Variants in KALRN observed in about 807,000 individuals in gnomAD.
KALRN encodes kalirin RhoGEF kinase, also known as kalirin.
Under a neutral mutation model 353.7 loss-of-function variants are expected in KALRN, and 70 were observed. The ratio of observed to expected loss-of-function variants is 0.20; its 90% CI spans 0.16 to 0.24. The LOEUF (loss-of-function observed/expected upper bound fraction) is 0.24, where lower values mean the gene tolerates loss of function less well. Among genes scored for constraint, KALRN ranks in the 10% least tolerant of loss-of-function variants. The pLI is 1.00. For missense variants in KALRN, 2,791 were observed against 3,756.7 expected (o/e 0.74, Z 6.72); for synonymous variants, 1,391 against 1,434.8 (o/e 0.97, Z 0.69).
intron 1 of KALRN, among the ~76,000 whole-genome samples, chr3:124,035,950 A>G (rs1429985270): frequency 1.3e-5 from 2 of 152,230 alleles, no homozygotes; most frequent in Non-Finnish European, 2.9e-5. Flanking sequence ...TAGGTCAAGG[A>G]CTACATCCAC....
chr3:124,649,965 A>AAAT (rs71145473), intron 37 of KALRN, among the ~76,000 whole-genome samples: 7,854 of 143,406 alleles, frequency 0.055, 294 homozygotes, highest in African/African-American at 0.097. Context: ...CTCTAAAATA[A>AAAT]AATAATAATA....
chr3:124,165,371 A>G (rs1382380999), intron 1 of KALRN, among the ~76,000 whole-genome samples: 1 of 152,070 alleles, frequency 6.6e-6, no homozygotes, highest in African/African-American at 2.4e-5. Context: ...CCACCCTCAG[A>G]TGTTTTTATC....
intron 57 of KALRN, 149 bp downstream of exon 57, chr3:124,702,265 T>G: frequency 8.0e-6 from 4 of 502,310 alleles, no homozygotes; most frequent in Non-Finnish European, 1.4e-5. Flanking sequence ...CGTTTGTATT[T>G]TCTACTGTTC....
At chr3:124,053,763 G>A (rs1403149130) in intron 1 of KALRN, among the ~76,000 whole-genome samples, 2 of 152,224 alleles carry the variant, frequency 1.3e-5, no homozygotes, top group Non-Finnish European at 2.9e-5. Flanking sequence ...GGATATGAAT[G>A]TATGTGCTCC....
At chr3:124,606,800 A>G (rs2077392658) in intron 34 of KALRN, among the ~76,000 whole-genome samples, 2 of 152,214 alleles carry the variant, frequency 1.3e-5, no homozygotes, top group Non-Finnish European at 1.5e-5. Flanking sequence ...AATTAACCCA[A>G]TATTTTAAAA....
intron 5 of KALRN, among the ~76,000 whole-genome samples, chr3:124,275,902 T>G (rs1168785368): frequency 3.3e-5 from 5 of 152,294 alleles, no homozygotes; most frequent in Admixed American, 1.3e-4. Flanking sequence ...GGGTCACACC[T>G]GAGGAGTCAG....
rs11707324 is a variant in KALRN at position 124,408,572 on chromosome 3, A to G, written c.2347-4898A>G. ...GCCTGCCCCATAATAAATGCACAAT[A>G]CAAAGTAAAATGTCTTCTTCAATCA... On this transcript the variant is annotated intron_variant, in intron 13 of 59. Transcript: ENST00000682506. 5.7e-4 allele frequency among the ~76,000 whole-genome samples: 87 copies of G among 152,266 alleles called. 4 individuals are homozygous for G. The highest frequency in any genetic ancestry group is 1.6e-4 in the Non-Finnish European group (11 of 68,042).
At chr3:124,066,156 C>T (rs547905828) in intron 1 of KALRN, among the ~76,000 whole-genome samples, 37 of 152,268 alleles carry the variant, frequency 2.4e-4, no homozygotes, top group Non-Finnish European at 4.1e-4. Context: ...ATGACATGAA[C>T]ATTGTGTTGT....
intron 10 of KALRN, among the ~76,000 whole-genome samples, chr3:124,362,036 TG>T (rs1576290719): frequency 6.6e-6 from 1 of 152,066 alleles, no homozygotes; most frequent in Non-Finnish European, 1.5e-5. Flanking sequence ...TTCCTGGCCG[TG>T]GCATTCAGGG....
intron 33 of KALRN, among the ~76,000 whole-genome samples, chr3:124,555,505 G>A (rs1038298164): frequency 2.6e-5 from 4 of 151,928 alleles, no homozygotes; most frequent in Non-Finnish European, 5.9e-5. Flanking sequence ...TTGTTCTTGT[G>A]GATTTGTGTC....
chr3:124,462,304 G>T (rs1313055167), intron 24 of KALRN, among the ~76,000 whole-genome samples: 1 of 152,168 alleles, frequency 6.6e-6, no homozygotes, highest in Non-Finnish European at 1.5e-5. Context: ...TTTAATAAAT[G>T]ACAAGAGACT....
chr3:124,398,972 C>T, intron 13 of KALRN, 101 bp downstream of exon 13: 1 of 1,231,608 alleles, frequency 8.1e-7, no homozygotes, highest in Non-Finnish European at 1.1e-6. Context: ...GAAATTAGAG[C>T]ATCCAGCATG....
chr3:124,207,319 G>A (rs537737097), intron 1 of KALRN, among the ~76,000 whole-genome samples: 3 of 152,352 alleles, frequency 2.0e-5, no homozygotes, highest in African/African-American at 7.2e-5. Flanking sequence ...TAAATAGACA[G>A]GTGGGGTTTC....
intron 1 of KALRN, among the ~76,000 whole-genome samples, chr3:124,125,479 C>T (rs1560017967): frequency 1.3e-5 from 2 of 152,158 alleles, no homozygotes; most frequent in Non-Finnish European, 2.9e-5. Flanking sequence ...AGCAAGCCTC[C>T]ATGAGCTGGT....
chr3:124,352,895 A>T (rs1181762835), intron 10 of KALRN, among the ~76,000 whole-genome samples: 1 of 152,186 alleles, frequency 6.6e-6, no homozygotes, highest in African/African-American at 2.4e-5. Context: ...GGATAGCATT[A>T]GGAGAAATAC....
At chr3:124,206,495 C>G (rs538779509) in intron 1 of KALRN, among the ~76,000 whole-genome samples, 1 of 152,300 alleles carries the variant, frequency 6.6e-6, no homozygotes, top group East Asian at 1.9e-4. Context: ...AAGCATCTGG[C>G]CAATCTCTGT....
chr3:124,487,170 G>A (rs138646175), intron 28 of KALRN, among the ~76,000 whole-genome samples: 2 of 152,278 alleles, frequency 1.3e-5, no homozygotes, highest in Non-Finnish European at 2.9e-5. Flanking sequence ...GTCAAAGGGA[G>A]CAAGATACAG....
At chr3:124,035,364 T>C (rs926843031) in intron 1 of KALRN, among the ~76,000 whole-genome samples, 8 of 152,238 alleles carry the variant, frequency 5.3e-5, no homozygotes, top group African/African-American at 1.9e-4. Flanking sequence ...AGGGGAGATA[T>C]GGGAATTCAT....
chr3:124,482,889 C>A lies in KALRN; in HGVS notation c.4273C>A (p.Leu1425Met), dbSNP rs755706470. The A allele has an allele frequency of 6.2e-7, 1 of 1,609,358 alleles. No individual in the cohort carries two copies. Among genetic ancestry groups the A allele is most frequent in the South Asian group, 1.1e-5 (1 of 91,000 alleles). ...KPVQRITKYQ[L>M]LLKELLTCCE... The stretch of plus-strand genomic sequence containing the variant: ...TGTCCAAAGGATCACCAAATATCAA[C>A]TGCTCCTGAAGGTACCTCCCCTCCC... Residue 1425 changes from leucine to methionine, a missense_variant, in exon 28 of 60, where the codon CTG becomes ATG. Coordinates refer to ENST00000682506, the MANE Select transcript of KALRN (RefSeq NM_001388419.1).
Sources: allele counts gnomAD v4.1 joint callset (sites outside exome capture counted in the v4.1 genomes callset), GRCh38; gene constraint gnomAD v4.1.1; transcripts MANE v1.5; gene names NCBI Gene and HGNC (gene_info 2026-07-23, HGNC 2026-07-21).